The following KIRREL3 variants were observed in gnomAD, a reference collection of about 807,000 sequenced individuals.
KIRREL3 encodes the protein kirre like nephrin family adhesion molecule 3.
Under a neutral mutation model 89.7 loss-of-function variants are expected in KIRREL3, and 36 were observed. That is an observed-to-expected ratio of 0.40 (90% CI 0.31 to 0.53). KIRREL3 has a LOEUF of 0.53. Among genes scored for constraint, KIRREL3 ranks in the 20% least tolerant of loss-of-function variants. The pLI is 0.49. For missense variants in KIRREL3, 864 were observed against 1,056.6 expected (o/e 0.82, Z 2.53); for synonymous variants, 445 against 441.4 (o/e 1.01, Z -0.10).
rs1941144902 is a variant in KIRREL3, at chr11:126,574,443, A to C, written c.56-11531T>G. Among the ~76,000 whole-genome samples the C allele has an allele frequency of 1.3e-5, 2 of 152,208 alleles. No homozygotes were observed. The highest frequency in any genetic ancestry group is 1.3e-4 in the Admixed American group (2 of 15,284). On this transcript the variant is annotated intron_variant, in intron 1 of 16. Transcript: ENST00000525144. The surrounding 1 kb of genome is among the most constrained non-coding windows in gnomAD (Gnocchi z 5.3). ...TGGCTTTGAGTATGGAATCAACCTCAAACAGGTCCAGGGGAGCGATTCTGA... is the reference window on the plus strand; with the variant it reads ...TGGCTTTGAGTATGGAATCAACCTCCAACAGGTCCAGGGGAGCGATTCTGA...
rs1015951788 is a variant in KIRREL3, at chr11:126,755,356, G to A, written c.56-192444C>T. On this transcript the variant is annotated intron_variant, in intron 1 of 16. Transcript: ENST00000525144. This position sits in a 1 kb window ranked among gnomAD's most constrained non-coding sequence, Gnocchi z 4.3. Reference sequence around the variant, plus strand: ...TTTAGCCATGAAGTCCTGAAGTGCAGGTAATCGTGTTTAAAAAGATAGGGA... The same window carrying A: ...TTTAGCCATGAAGTCCTGAAGTGCAAGTAATCGTGTTTAAAAAGATAGGGA... 6.6e-6 allele frequency among the ~76,000 whole-genome samples: 1 copy of A among 152,106 alleles called. No individual in the cohort carries two copies. The highest frequency in any genetic ancestry group is 6.6e-5 in the Admixed American group (1 of 15,254).
chr11:126,632,963 A>T (rs1037727231), intron 1 of KIRREL3, among the ~76,000 whole-genome samples: 33 of 151,806 alleles, frequency 2.2e-4, no homozygotes, highest in Admixed American at 9.2e-4. Context: ...GTGGTGGTGC[A>T]CGCCTGTAGT....
chr11:126,741,080 C>T (rs1365436163), intron 1 of KIRREL3, among the ~76,000 whole-genome samples: 1 of 152,194 alleles, frequency 6.6e-6, no homozygotes, highest in Non-Finnish European at 1.5e-5. Flanking sequence ...CCAACTCTCT[C>T]TTCTTAACAA....
At chr11:126,438,734 A>AT (rs550435665) in intron 11 of KIRREL3, among the ~76,000 whole-genome samples, 4 of 152,360 alleles carry the variant, frequency 2.6e-5, no homozygotes, top group South Asian at 2.1e-4. Context: ...AGTTCTTGCA[A>AT]TTTTTTTGTG....
At chr11:126,923,460 T>G (rs528364702) in intron 1 of KIRREL3, among the ~76,000 whole-genome samples, 1 of 146,080 alleles carries the variant, frequency 6.8e-6, no homozygotes, top group African/African-American at 2.6e-5. Context: ...TTTTTTTTTT[T>G]TGAGACAGAG....
Position 126,641,307 on chromosome 11 carries a change from C to A in KIRREL3, c.56-78395G>T, listed in dbSNP as rs747572420. On this transcript the variant is annotated intron_variant, in intron 1 of 16. Transcript: ENST00000525144. This position sits in a 1 kb window ranked among gnomAD's most constrained non-coding sequence, Gnocchi z 5.0. ...GGCCCGAGCCTCATCACTTGTTGCT[C>A]AGATGGTTGTTACAGTCATGGTTCT... Among the ~76,000 whole-genome samples, 3 of 151,982 alleles carry A rather than the reference C, an allele frequency of 2.0e-5. No individual in the cohort carries two copies. Among genetic ancestry groups the A allele is most frequent in the Non-Finnish European group, 4.4e-5 (3 of 67,980 alleles).
chr11:126,537,054 G>GC lies in KIRREL3; in HGVS notation c.134-10368dup, dbSNP rs1425761150. Among the ~76,000 whole-genome samples, 3 of 152,124 alleles carry GC rather than the reference G, an allele frequency of 2.0e-5. No individual in the cohort carries two copies. Among genetic ancestry groups the GC allele is most frequent in the African/African-American group, 7.2e-5 (3 of 41,414 alleles). ...CTCCCCTTTCTCCACTGGTTATTTG[G>GC]CCTGGCCTTTGTTCCAGCAGCAGAT... On this transcript the variant is annotated intron_variant, in intron 2 of 16. Transcript: ENST00000525144. The surrounding 1 kb of genome is among the most constrained non-coding windows in gnomAD (Gnocchi z 4.3).
At chr11:126,894,371 G>T (rs1946053649) in intron 1 of KIRREL3, among the ~76,000 whole-genome samples, 1 of 151,850 alleles carries the variant, frequency 6.6e-6, no homozygotes, top group Non-Finnish European at 1.5e-5. Context: ...CCAGGCTGGG[G>T]AGTCCACAGT....
chr11:126,638,162 T>C (rs1019855839), intron 1 of KIRREL3, among the ~76,000 whole-genome samples: 17 of 152,190 alleles, frequency 1.1e-4, no homozygotes, highest in African/African-American at 3.9e-4. Context: ...GGGCTTTGCT[T>C]TGGGGTTTAG....
intron 1 of KIRREL3, among the ~76,000 whole-genome samples, chr11:126,861,117 G>A (rs1331870225): frequency 1.3e-5 from 2 of 152,150 alleles, no homozygotes; most frequent in African/African-American, 2.4e-5. Flanking sequence ...TTTGTACTAA[G>A]GATATTGTTC....
rs1036910771 is a variant in KIRREL3, at chr11:126,474,087, G to C, written c.434-621C>G. ...CAAAGTGCTAGGATTACAGGCCTGA[G>C]CCACCATGCCCGGCCAACACCTGGT... On this transcript the variant is annotated intron_variant, in intron 4 of 16. Coordinates refer to ENST00000525144, the MANE Select transcript of KIRREL3 (RefSeq NM_032531.4). This position sits in a 1 kb window ranked among gnomAD's most constrained non-coding sequence, Gnocchi z 6.7. Among the ~76,000 whole-genome samples the C allele has an allele frequency of 6.6e-6, 1 of 151,586 alleles. No homozygotes were observed. Among genetic ancestry groups the C allele is most frequent in the Non-Finnish European group, 1.5e-5 (1 of 67,954 alleles).
intron 1 of KIRREL3, among the ~76,000 whole-genome samples, chr11:126,961,893 A>G (rs1949098566): frequency 6.6e-6 from 1 of 152,196 alleles, no homozygotes; most frequent in Non-Finnish European, 1.5e-5. Flanking sequence ...TAAAAATCCT[A>G]TTGCCTGTGC....
intron 1 of KIRREL3, among the ~76,000 whole-genome samples, chr11:126,580,664 C>T (rs572246865): frequency 6.6e-6 from 1 of 152,022 alleles, no homozygotes; most frequent in Non-Finnish European, 1.5e-5. Flanking sequence ...CAGGAGGGGG[C>T]CTGGCACAGT....
At chr11:126,446,285 C>CCTTTCTTTCTTTCTTTCTTTCTCTCTCT (rs5795496) in intron 9 of KIRREL3, among the ~76,000 whole-genome samples, 1 of 143,282 alleles carries the variant, frequency 7.0e-6, no homozygotes, top group Non-Finnish European at 1.5e-5. Flanking sequence ...TTTTCTTTCT[C>CCTTTCTTTCTTTCTTTCTTTCTCTCTCT]CTTTCTTTCT....
chr11:126,738,482 G>A (rs551229056), intron 1 of KIRREL3, among the ~76,000 whole-genome samples: 111 of 152,242 alleles, frequency 7.3e-4, no homozygotes, highest in African/African-American at 2.6e-3. Flanking sequence ...TATGTGATGC[G>A]GGGTTTGCAC....
At position 126,607,003 on chromosome 11, in the gene KIRREL3, G is replaced by T. The variant is rs1222279004; in HGVS notation, c.56-44091C>A. On this transcript the variant is annotated intron_variant, in intron 1 of 16. Transcript: ENST00000525144. The surrounding 1 kb of genome is among the most constrained non-coding windows in gnomAD (Gnocchi z 6.6). ...GCCTATCACATGGCCGGGTATTCCA[G>T]GGTTTTTAAATTGCATGCCACATGT... Among the ~76,000 whole-genome samples the T allele has an allele frequency of 6.6e-6, 1 of 152,126 alleles. No homozygotes were observed. Among genetic ancestry groups the T allele is most frequent in the Admixed American group, 6.5e-5 (1 of 15,274 alleles).
Position 126,763,238 on chromosome 11 carries a change from T to G in KIRREL3, c.56-200326A>C, listed in dbSNP as rs1329939935. On this transcript the variant is annotated intron_variant, in intron 1 of 16. Coordinates refer to ENST00000525144, the MANE Select transcript of KIRREL3 (RefSeq NM_032531.4). This position sits in a 1 kb window ranked among gnomAD's most constrained non-coding sequence, Gnocchi z 4.7. Reference sequence around the variant, plus strand: ...AATGAGGGGGCTAGATGAGACGATTTCTGGAACATCTCCCAATGTCGGCGT... The same window carrying G: ...AATGAGGGGGCTAGATGAGACGATTGCTGGAACATCTCCCAATGTCGGCGT... Among the ~76,000 whole-genome samples, 1 of 152,156 alleles carries G rather than the reference T, an allele frequency of 6.6e-6. No individual in the cohort carries two copies. The highest frequency in any genetic ancestry group is 1.9e-4 in the East Asian group (1 of 5,192).
At position 126,946,575 on chromosome 11, in the gene KIRREL3, G is replaced by A. The variant is rs757337295; in HGVS notation, c.55+53880C>T. ...TTGATTCATTTATTTAACATATCTT[G>A]AGAACATGTTTTATGTCAGTTACTA... is the stretch of plus-strand genomic sequence containing the variant. On this transcript the variant is annotated intron_variant, in intron 1 of 16. Coordinates refer to ENST00000525144, the MANE Select transcript of KIRREL3 (RefSeq NM_032531.4). The surrounding 1 kb of genome is among the most constrained non-coding windows in gnomAD (Gnocchi z 4.1). 2.0e-4 allele frequency among the ~76,000 whole-genome samples: 30 copies of A among 152,100 alleles called. No individual in the cohort carries two copies. Among genetic ancestry groups the A allele is most frequent in the Non-Finnish European group, 4.3e-4 (29 of 68,026 alleles).
intron 1 of KIRREL3, among the ~76,000 whole-genome samples, chr11:126,678,764 G>A (rs751721203): frequency 2.6e-5 from 4 of 152,160 alleles, no homozygotes; most frequent in Admixed American, 2.6e-4. Flanking sequence ...ACCCATTGCC[G>A]TGGCTTCTGG....
Sources: gnomAD v4.1 joint callset for allele counts (sites outside exome capture counted in the v4.1 genomes callset) on GRCh38, gnomAD v4.1.1 for gene constraint, Gnocchi (gnomAD v3.1) non-coding constraint, MANE v1.5 for transcripts, NCBI Gene and HGNC (gene_info 2026-07-23, HGNC 2026-07-21) for gene names.